Variants in BORCS8 observed in about 807,000 individuals in gnomAD.
The protein encoded by BORCS8 is BLOC-1-related complex subunit 8.
Under a neutral mutation model 18.7 loss-of-function variants are expected in BORCS8, and 13 were observed. That is an observed-to-expected ratio of 0.70 (90% confidence interval 0.45 to 1.11). BORCS8 has a LOEUF of 1.11. Ranked by LOEUF, BORCS8 falls within the 50% of genes least tolerant of loss-of-function variation. The probability of loss-of-function intolerance (pLI) is 0.00; values close to 1 mark genes in which losing one functional copy is unlikely to be tolerated. For missense variants in BORCS8, 165 were observed against 165.7 expected (o/e 1.00, Z 0.02); for synonymous variants, 68 against 64.8 (o/e 1.05, Z -0.24).
Position 19,186,955 on chromosome 19 carries a change from CG to C in BORCS8, c.87del (p.Val30TrpfsTer45). ...ESVYVLANEP[S>X]VALYRLQEHV... ...TGCTCCTGCAGCCGGTACAGGGCCACGGATGGCTCGTTGGCCAGGACGTAGA... is the reference window on the plus strand; with the variant it reads ...TGCTCCTGCAGCCGGTACAGGGCCACGATGGCTCGTTGGCCAGGACGTAGA... On this transcript the variant is annotated frameshift_variant, in exon 2 of 6. Coordinates refer to ENST00000462790, the MANE Select transcript of BORCS8 (RefSeq NM_001145784.2). LOFTEE classifies it high-confidence loss of function. 6.4e-7 allele frequency: 1 copy of C among 1,551,298 alleles called. No individual in the cohort carries two copies. Among genetic ancestry groups the C allele is most frequent in the Non-Finnish European group, 8.7e-7 (1 of 1,146,906 alleles).
At position 19,180,876 on chromosome 19, in the gene BORCS8, A is replaced by T. The variant is rs1025813977; in HGVS notation, c.327-115T>A. Reference sequence around the variant, plus strand: ...TCTGGTCTCAAAGACCTCTGGCTTGAGCTTCTGGGGCATCCTGCTTAAAAG... The same window carrying T: ...TCTGGTCTCAAAGACCTCTGGCTTGTGCTTCTGGGGCATCCTGCTTAAAAG... On this transcript the variant is annotated intron_variant, in intron 4 of 5. Coordinates refer to ENST00000462790, the MANE Select transcript of BORCS8 (RefSeq NM_001145784.2). The T allele has an allele frequency of 2.6e-5, 29 of 1,123,034 alleles. 1 individual carries two copies. The South Asian group carries it at 4.6e-4, about 18-fold the overall frequency. 69.6% of individuals were successfully genotyped at this position (1,123,034 alleles called of 1,614,324 possible).
chr19:19,191,370 T>C (rs1321537753), intron 1 of BORCS8, among the ~76,000 whole-genome samples: 1 of 151,098 alleles, frequency 6.6e-6, no homozygotes, highest in Non-Finnish European at 1.5e-5. Flanking sequence ...TGTGCACTTG[T>C]AGTCCCAGCT....
At chr19:19,184,895 C>T (rs2060391030) in intron 3 of BORCS8, among the ~76,000 whole-genome samples, 1 of 152,104 alleles carries the variant, frequency 6.6e-6, no homozygotes, top group African/African-American at 2.4e-5. Context: ...CCCCTGCACC[C>T]GGCCGTATTT....
Position 19,182,966 on chromosome 19 carries a change from G to A in BORCS8, c.216-283C>T, listed in dbSNP as rs1051942724. Among the ~76,000 whole-genome samples the A allele has an allele frequency of 6.6e-6, 1 of 152,134 alleles. No homozygotes were observed. The highest frequency in any genetic ancestry group is 1.5e-5 in the Non-Finnish European group (1 of 68,024). ...ATCTCGGCCATTACTGCTGATAATGGGGGTGTAAAAAATAGGAAAGAAAAA... is the reference window on the plus strand; with the variant it reads ...ATCTCGGCCATTACTGCTGATAATGAGGGTGTAAAAAATAGGAAAGAAAAA... On this transcript the variant is annotated intron_variant, in intron 3 of 5. Transcript: ENST00000462790. This position sits in a 1 kb window ranked among gnomAD's most constrained non-coding sequence, Gnocchi z 4.1.
chr19:19,188,344 G>C (rs1193701367), intron 1 of BORCS8, among the ~76,000 whole-genome samples: 2 of 151,852 alleles, frequency 1.3e-5, no homozygotes, highest in Non-Finnish European at 2.9e-5. Flanking sequence ...TTAAAATAGA[G>C]ACAAGGTCTT....
rs909881187 is a variant in BORCS8, at chr19:19,192,098, T to A, written c.20A>T (p.Gln7Leu). ...CGCACCACCTTTCTTCCCCTTGAGC[T>A]GCATCTCCGGCTCCTCCATAGCGAC... MEEPEM[Q>L]LKGKKVTDKF... is the part of the protein sequence containing the mutation. Residue 7 changes from glutamine (Q) to leucine (L), a missense_variant, in exon 1 of 6, where the codon CAG becomes CTG. Transcript: ENST00000462790. The A allele has an allele frequency of 2.6e-6, 4 of 1,551,226 alleles. No individual in the cohort carries two copies. The African/African-American group carries it at 4.1e-5, about 16-fold the overall frequency.
At chr19:19,189,306 C>T (rs992704246) in intron 1 of BORCS8, among the ~76,000 whole-genome samples, 1 of 152,174 alleles carries the variant, frequency 6.6e-6, no homozygotes, top group African/African-American at 2.4e-5. Context: ...CACAGCGAGG[C>T]ACGGCCATCT....
At position 19,182,302 on chromosome 19, in the gene BORCS8, C is replaced by T; in HGVS notation, c.326+271G>A. 2 of 748,356 alleles carry T rather than the reference C, an allele frequency of 2.7e-6. No homozygotes were observed. Among genetic ancestry groups the T allele is most frequent in the South Asian group, 3.3e-5 (1 of 30,554 alleles). 46.4% of individuals were successfully genotyped at this position (748,356 alleles called of 1,614,324 possible). A position where few individuals can be genotyped will look rare whatever the true frequency, so the allele number is the denominator to read the frequency against. The stretch of plus-strand genomic sequence containing the variant: ...TTGTCTGCCATGTTTACCTGGTTGT[C>T]GTATGTCTCCTTGTGAGCCTGTCTG... On this transcript the variant is annotated intron_variant, in intron 4 of 5. Coordinates refer to ENST00000462790, the MANE Select transcript of BORCS8 (RefSeq NM_001145784.2). The surrounding 1 kb of genome is among the most constrained non-coding windows in gnomAD (Gnocchi z 4.1).
chr19:19,191,491 CAAAAAA>C (rs34145724), intron 1 of BORCS8, among the ~76,000 whole-genome samples: 1 of 86,026 alleles, frequency 1.2e-5, no homozygotes, highest in Admixed American at 1.2e-4. Context: ...TACCTTGTCT[CAAAAAA>C]AAAAAAAAAA....
At chr19:19,183,738 C>T (rs1390460931) in intron 3 of BORCS8, among the ~76,000 whole-genome samples, 1 of 151,480 alleles carries the variant, frequency 6.6e-6, no homozygotes, top group East Asian at 2.0e-4. Context: ...GTGCCCACCA[C>T]CACACCTGGC....
intron 3 of BORCS8, among the ~76,000 whole-genome samples, chr19:19,185,152 T>C (rs143947226): frequency 6.6e-5 from 10 of 152,344 alleles, no homozygotes; most frequent in African/African-American, 2.4e-4. Flanking sequence ...AGCAGCAGGA[T>C]TTCTTGTCTA....
In BORCS8 at chr19:19,186,924, C is replaced by A. The variant is rs569962796; in HGVS notation, c.119G>T (p.Arg40Leu). 6.4e-6 allele frequency: 10 copies of A among 1,550,878 alleles called. No individual in the cohort carries two copies. The highest frequency in any genetic ancestry group is 2.0e-5 in the Admixed American group (1 of 50,938). Reference sequence around the variant, plus strand: ...CTGGGCCAGCTCGGGGAGGGAGCGACGCACATGCTCCTGCAGCCGGTACAG... The same window carrying A: ...CTGGGCCAGCTCGGGGAGGGAGCGAAGCACATGCTCCTGCAGCCGGTACAG... ...VALYRLQEHV[R>L]RSLPELAQHK... The change falls in exon 2 of 6, where the codon CGT (arginine) becomes CTT (leucine). Residue 40 changes from arginine to leucine, a missense_variant. By Grantham distance (102) the Arg-to-Leu change is moderately radical. Transcript: ENST00000462790.
At chr19:19,184,337 G>A (rs1343782941) in intron 3 of BORCS8, among the ~76,000 whole-genome samples, 3 of 124,866 alleles carry the variant, frequency 2.4e-5, no homozygotes, top group Non-Finnish European at 3.1e-5. Flanking sequence ...ACGGAGTCTC[G>A]CTCTGTCGCC....
At chr19:19,190,572 T>C (rs1469330169) in intron 1 of BORCS8, among the ~76,000 whole-genome samples, 3 of 152,190 alleles carry the variant, frequency 2.0e-5, no homozygotes, top group Non-Finnish European at 4.4e-5. Flanking sequence ...GAGGATCACC[T>C]GAGGTTGGGA....
chr19:19,186,142 A>G (rs1469945920), intron 2 of BORCS8, 44 bp from the exon 3 acceptor site: 5 of 1,532,720 alleles, frequency 3.3e-6, no homozygotes, highest in Non-Finnish European at 3.5e-6. Flanking sequence ...GGCCACCCCC[A>G]CCTAGAGGGC....
At chr19:19,189,288 G>A (rs755419663) in intron 1 of BORCS8, among the ~76,000 whole-genome samples, 5 of 152,052 alleles carry the variant, frequency 3.3e-5, no homozygotes, top group African/African-American at 7.2e-5. Flanking sequence ...TGCCCGCACC[G>A]GTCCAGGCAC....
At position 19,186,938 on chromosome 19, in the gene BORCS8, C is replaced by A; in HGVS notation, c.105G>T (p.Leu35=). The change falls in exon 2 of 6, where the codon CTG becomes CTT. Residue 35 remains leucine (L), a synonymous_variant. Transcript: ENST00000462790. ...ANEPSVALYR[L]QEHVRRSLPE... Reference sequence around the variant, plus strand: ...GGAGGGAGCGACGCACATGCTCCTGCAGCCGGTACAGGGCCACGGATGGCT... The same window carrying A: ...GGAGGGAGCGACGCACATGCTCCTGAAGCCGGTACAGGGCCACGGATGGCT... 6.4e-7 allele frequency: 1 copy of A among 1,551,220 alleles called. No homozygotes were observed. Among genetic ancestry groups the A allele is most frequent in the Non-Finnish European group, 8.7e-7 (1 of 1,146,886 alleles).
intron 1 of BORCS8, 62 bp downstream of exon 1, chr19:19,192,019 T>C: frequency 6.5e-7 from 1 of 1,541,886 alleles, no homozygotes; most frequent in Admixed American, 2.0e-5. Flanking sequence ...CGCCCGGCCT[T>C]TGTCAGGCCG....
Position 19,182,418 on chromosome 19 carries a change from T to A in BORCS8, c.326+155A>T. 1 of 1,422,868 alleles carries A rather than the reference T, an allele frequency of 7.0e-7. No individual in the cohort carries two copies. The allele number at this position is 1,422,868 out of a possible 1,614,324, so 88.1% of individuals were successfully genotyped here. A position where few individuals can be genotyped will look rare whatever the true frequency, so the allele number is the denominator to read the frequency against. ...CGGTATTAAGTGACTGAACTCAGGT[T>A]ATAGATGCCACAGGACAAGAGGAGG... On this transcript the variant is annotated intron_variant, in intron 4 of 5. Coordinates refer to ENST00000462790, the MANE Select transcript of BORCS8 (RefSeq NM_001145784.2). This position sits in a 1 kb window ranked among gnomAD's most constrained non-coding sequence, Gnocchi z 4.1.
Sources: gnomAD v4.1 joint callset for allele counts (sites outside exome capture counted in the v4.1 genomes callset) on GRCh38, gnomAD v4.1.1 for gene constraint, Gnocchi (gnomAD v3.1) non-coding constraint, MANE v1.5 for transcripts, NCBI Gene and HGNC (gene_info 2026-07-23, HGNC 2026-07-21) for gene names.